CTSH: variants seen among roughly 807,000 people sequenced by gnomAD.
The protein encoded by CTSH is cathepsin H, also known as pro-cathepsin H.
In CTSH, 52 loss-of-function variants were observed where a neutral mutation model predicts 56.3. That is an observed-to-expected ratio of 0.92 (90% CI 0.74 to 1.16). The LOEUF is 1.16. CTSH is among the 50% of genes most tolerant of loss of function. The probability of loss-of-function intolerance (pLI) is 0.00; values close to 1 mark genes in which losing one functional copy is unlikely to be tolerated. For synonymous variants in CTSH, 174 were observed against 155.7 expected (o/e 1.12, Z -0.88); for missense variants, 406 against 424.5 (o/e 0.96, Z 0.38).
rs139141641 is a variant in CTSH at position 78,923,076 on chromosome 15, T to C, written c.849A>G (p.Val283=). 3 of 1,613,244 alleles carry C rather than the reference T, an allele frequency of 1.9e-6. No homozygotes were observed. The highest frequency in any genetic ancestry group is 2.5e-6 in the Non-Finnish European group (3 of 1,179,798). ...TTTTTTCTCCATACCCAACAGCCAG[T>C]ACTGCATGGTTTACTTTATCTGGAG... The part of the protein sequence containing the change: ...HKTPDKVNHA[V]LAVGYGEKNG... Residue 283 remains valine, a synonymous_variant, in exon 11 of 12, where the codon GTA becomes GTG. Coordinates refer to ENST00000220166, the MANE Select transcript of CTSH (RefSeq NM_004390.5).
chr15:78,941,889 T>C (rs1484763563), intron 1 of CTSH, among the ~76,000 whole-genome samples: 3 of 152,212 alleles, frequency 2.0e-5, no homozygotes, highest in Admixed American at 6.5e-5. Context: ...TTATACATTA[T>C]GAAAAGTAAT....
chr15:78,925,289 A>C (rs2289695), intron 10 of CTSH, 45 bp downstream of exon 10: 2 of 1,276,256 alleles, frequency 1.6e-6, no homozygotes, highest in Middle Eastern at 3.7e-4. Context: ...AGGCCCACCA[A>C]GCCCCTCCCC....
intron 10 of CTSH, 84 bp from the exon 11 acceptor site, chr15:78,923,202 G>T: frequency 2.0e-6 from 3 of 1,498,844 alleles, no homozygotes; most frequent in Non-Finnish European, 2.7e-6. Context: ...CTCTTTGAGC[G>T]CTTTAGAGCA....
At chr15:78,929,858 G>A (rs533503025) in intron 7 of CTSH, among the ~76,000 whole-genome samples, 3 of 152,276 alleles carry the variant, frequency 2.0e-5, no homozygotes, top group African/African-American at 7.2e-5. Context: ...CTGACCCCTC[G>A]TGTCGACCCT....
chr15:78,932,427 G>A lies in CTSH; in HGVS notation c.437C>T (p.Thr146Ile). ...GACGSCWTFSTTGALESAIAI... is the reference protein window; with the variant it reads ...GACGSCWTFSITGALESAIAI... Reference sequence around the variant, plus strand: ...GATCGCAGACTCCAGGGCCCCAGTGGTGGAGAAAGTCCAGCAACTGCCGCA... The same window carrying A: ...GATCGCAGACTCCAGGGCCCCAGTGATGGAGAAAGTCCAGCAACTGCCGCA... Residue 146 changes from threonine (T) to isoleucine (I), a missense_variant, in exon 6 of 12, where the codon ACC becomes ATC. Coordinates refer to ENST00000220166, the MANE Select transcript of CTSH (RefSeq NM_004390.5). 6.2e-7 allele frequency: 1 copy of A among 1,614,110 alleles called. No individual in the cohort carries two copies. Among genetic ancestry groups the A allele is most frequent in the Non-Finnish European group, 8.5e-7 (1 of 1,179,976 alleles).
chr15:78,927,543 C>T, intron 9 of CTSH, 170 bp downstream of exon 9: 1 of 617,404 alleles, frequency 1.6e-6, no homozygotes, highest in South Asian at 2.0e-5. Context: ...TCCCTCCCAT[C>T]TCCTGCCTCG....
chr15:78,922,254 G>T, intron 11 of CTSH, 49 bp from the exon 12 acceptor site: 1 of 1,470,796 alleles, frequency 6.8e-7, no homozygotes, highest in Non-Finnish European at 9.3e-7. Context: ...CCCCACCACA[G>T]GCCTTTCTAG....
intron 4 of CTSH, 104 bp from the exon 5 acceptor site, chr15:78,935,186 T>A: frequency 1.0e-5 from 8 of 764,618 alleles, no homozygotes; most frequent in African/African-American, 1.7e-5. Flanking sequence ...CAAGAGAGAA[T>A]AAGAAAGGCT....
At position 78,935,704 on chromosome 15, in the gene CTSH, G is replaced by A; in HGVS notation, c.276C>T (p.His92=). ...FSDMSFAEIK[H]KYLWSEPQNC... ...CCTGAGGCTCTGACCAGAGATACTT[G>A]TGTTTTATTTCAGCAAAGCTCATGT... The change falls in exon 4 of 12, where the codon CAC becomes CAT. Residue 92 remains histidine, a synonymous_variant. Transcript: ENST00000220166. 6.2e-7 allele frequency: 1 copy of A among 1,611,322 alleles called. No homozygotes were observed.
intron 5 of CTSH, 112 bp from the exon 6 acceptor site, chr15:78,932,570 C>G: frequency 4.0e-6 from 3 of 749,000 alleles, no homozygotes; most frequent in Non-Finnish European, 6.8e-6. Flanking sequence ...CCCCAGGTGC[C>G]TTGGCAGTTT....
At chr15:78,933,204 G>A (rs1455822143) in intron 5 of CTSH, among the ~76,000 whole-genome samples, 2 of 152,226 alleles carry the variant, frequency 1.3e-5, no homozygotes, top group Non-Finnish European at 2.9e-5. Flanking sequence ...CTGCCTGCCT[G>A]GTTCACATCC....
At chr15:78,937,204 A>G (rs1463777622) in intron 3 of CTSH, 114 bp downstream of exon 3, 6 of 783,756 alleles carry the variant, frequency 7.7e-6, no homozygotes, top group African/African-American at 3.5e-5. Flanking sequence ...AGCCAAACAC[A>G]GCTTCAGAGC....
chr15:78,927,679 A>T lies in CTSH; in HGVS notation c.699+34T>A, dbSNP rs200357213. On this transcript the variant is annotated intron_variant, in intron 9 of 11. Transcript: ENST00000220166. ...ATGAGAGAGGCCTCCTCATCAGGAC[A>T]CATTCCCCATCCCAGAGGGGGATCG... 8 of 1,599,636 alleles carry T rather than the reference A, an allele frequency of 5.0e-6. No individual in the cohort carries two copies. The African/African-American group carries it at 8.0e-5, about 16-fold the overall frequency.
At chr15:78,927,595 G>T in intron 9 of CTSH, 118 bp downstream of exon 9, 2 of 877,444 alleles carry the variant, frequency 2.3e-6, no homozygotes, top group Non-Finnish European at 3.7e-6. Flanking sequence ...ATATGAACTC[G>T]TCAAAGGGAT....
In CTSH at chr15:78,939,081, T is replaced by C. The variant is rs1488271256; in HGVS notation, c.123+59A>G. 7.4e-6 allele frequency: 11 copies of C among 1,479,040 alleles called. No homozygotes were observed. In the East Asian group the frequency reaches 2.5e-4, roughly 34 times the overall value. The allele number at this position is 1,479,040 out of a possible 1,614,324, so 91.6% of individuals were successfully genotyped here. A position where few individuals can be genotyped will look rare whatever the true frequency, so the allele number is the denominator to read the frequency against. On this transcript the variant is annotated intron_variant, in intron 2 of 11. Transcript: ENST00000220166. Reference sequence around the variant, plus strand: ...TGTCTCAAATCTGGGACAGTTTGGTTTGATAACAGGAAACTTTGTGAAATG... The same window carrying C: ...TGTCTCAAATCTGGGACAGTTTGGTCTGATAACAGGAAACTTTGTGAAATG...
At chr15:78,926,655 T>C (rs1454524829) in intron 9 of CTSH, 2 of 152,256 alleles carry the variant, frequency 1.3e-5, no homozygotes, top group African/African-American at 4.8e-5. Flanking sequence ...GGATTTGCGC[T>C]GTATGTTGTC....
intron 1 of CTSH, among the ~76,000 whole-genome samples, chr15:78,941,180 A>G (rs904450013): frequency 1.7e-4 from 26 of 151,788 alleles, no homozygotes; most frequent in African/African-American, 6.3e-4. Context: ...TAATCCCAGC[A>G]CTTTGGGAGG....
chr15:78,929,760 GCCC>G (rs2055007156), intron 7 of CTSH, among the ~76,000 whole-genome samples: 3 of 152,164 alleles, frequency 2.0e-5, no homozygotes, highest in African/African-American at 7.2e-5. Flanking sequence ...GGAGTGCACA[GCCC>G]CACACCATGG....
At chr15:78,943,512 G>T (rs2141561730) in intron 1 of CTSH, among the ~76,000 whole-genome samples, 1 of 152,296 alleles carries the variant, frequency 6.6e-6, no homozygotes, top group African/African-American at 2.4e-5. Context: ...TTACAGGTGT[G>T]AGCCACCGCA....
Sources: gnomAD v4.1 joint callset for allele counts (sites outside exome capture counted in the v4.1 genomes callset) on GRCh38, gnomAD v4.1.1 for gene constraint, MANE v1.5 for transcripts, NCBI Gene and HGNC (gene_info 2026-07-23, HGNC 2026-07-21) for gene names.